Variants in LTBP1 observed in about 807,000 individuals in gnomAD.
The protein encoded by LTBP1 is latent transforming growth factor beta binding protein 1, also known as latent-transforming growth factor beta-binding protein 1.
A neutral mutation model predicts 207.6 loss-of-function variants in LTBP1; 129 were observed. The ratio of observed to expected loss-of-function variants is 0.62; its 90% CI spans 0.54 to 0.72. LTBP1 has a LOEUF of 0.72. LTBP1 is among the 30% of genes least tolerant of loss of function. The probability of loss-of-function intolerance (pLI) is 0.00; values close to 1 mark genes in which losing one functional copy is unlikely to be tolerated. For missense variants in LTBP1, 2,281 were observed against 2,217.2 expected, an observed-to-expected ratio of 1.03 and a Z score of -0.58; for synonymous variants, 963 against 833.7, an observed-to-expected ratio of 1.16 and a Z score of -2.67.
chr2:33,394,977 A>G (rs2095346025), intron 32 of LTBP1, among the ~76,000 whole-genome samples: 1 of 152,180 alleles, frequency 6.6e-6, no homozygotes, highest in Non-Finnish European at 1.5e-5. Flanking sequence ...AGCTCCATCC[A>G]TGTTCCTGCA....
intron 32 of LTBP1, among the ~76,000 whole-genome samples, chr2:33,393,073 CA>C (rs1214978126): frequency 2.6e-5 from 4 of 151,456 alleles, no homozygotes; most frequent in Non-Finnish European, 5.9e-5. Flanking sequence ...CTTTTAGGTT[CA>C]GGGGTACATA....
At chr2:33,018,491 C>G (rs956014709) in intron 2 of LTBP1, among the ~76,000 whole-genome samples, 1 of 152,126 alleles carries the variant, frequency 6.6e-6, no homozygotes, top group African/African-American at 2.4e-5. Context: ...GAGCTCAGGC[C>G]AAGGCACAGC....
At chr2:33,201,660 GAAAC>G (rs1319583137) in intron 7 of LTBP1, among the ~76,000 whole-genome samples, 1 of 151,170 alleles carries the variant, frequency 6.6e-6, no homozygotes, top group Non-Finnish European at 1.5e-5. Flanking sequence ...GAAAAAAAAA[GAAAC>G]AAACTTCAAG....
chr2:33,356,250 CAG>C (rs1414079627), intron 26 of LTBP1, among the ~76,000 whole-genome samples: 1 of 152,170 alleles, frequency 6.6e-6, no homozygotes, highest in Non-Finnish European at 1.5e-5. Context: ...CGTGATGAAT[CAG>C]GGGTCAGCAT....
intron 23 of LTBP1, among the ~76,000 whole-genome samples, chr2:33,310,194 G>A (rs750514023): frequency 5.9e-5 from 9 of 152,112 alleles, no homozygotes; most frequent in East Asian, 1.9e-4. Flanking sequence ...TGATCCACCC[G>A]CTTTGGCCTC....
At chr2:33,062,110 T>G (rs2077295857) in intron 3 of LTBP1, among the ~76,000 whole-genome samples, 1 of 152,186 alleles carries the variant, frequency 6.6e-6, no homozygotes, top group Admixed American at 6.5e-5. Flanking sequence ...ATATTCCCCT[T>G]TGTGAAATGT....
In LTBP1 at chr2:32,999,751, A is replaced by G. The variant is rs146739710; in HGVS notation, c.566-21158A>G. Among the ~76,000 whole-genome samples the G allele has an allele frequency of 5.3e-4, 71 of 133,436 alleles. 11 individuals carry two copies. Among genetic ancestry groups the G allele is most frequent in the African/African-American group, 1.8e-3 (70 of 38,338 alleles). 87.5% of individuals were successfully genotyped at this position (133,436 alleles called of 152,430 possible). ...CTAAAAATACACAAATTAGCTGGGC[A>G]TGGTGGCGCCAAGATCACACCACTG... On this transcript the variant is annotated intron_variant, in intron 2 of 33. Coordinates refer to ENST00000404816, the MANE Select transcript of LTBP1 (RefSeq NM_206943.4).
At chr2:33,036,766 A>G (rs1423476242) in intron 3 of LTBP1, among the ~76,000 whole-genome samples, 1 of 152,144 alleles carries the variant, frequency 6.6e-6, no homozygotes, top group Non-Finnish European at 1.5e-5. Flanking sequence ...CCTCGTGATG[A>G]ACATTTTTCT....
At chr2:32,971,552 A>G (rs1054323437) in intron 2 of LTBP1, among the ~76,000 whole-genome samples, 1 of 152,030 alleles carries the variant, frequency 6.6e-6, no homozygotes, top group African/African-American at 2.4e-5. Context: ...TGAGATAATC[A>G]TGTGGTTTTT....
At chr2:33,139,592 A>G (rs2082470763) in intron 5 of LTBP1, among the ~76,000 whole-genome samples, 1 of 152,180 alleles carries the variant, frequency 6.6e-6, no homozygotes, top group African/African-American at 2.4e-5. Context: ...GTCCCTGCCT[A>G]GAAAGCGTGT....
chr2:33,350,294 A>G lies in LTBP1; in HGVS notation c.4000+2784A>G, dbSNP rs144935022. On this transcript the variant is annotated intron_variant, in intron 26 of 33. Transcript: ENST00000404816. ...TATTCCAACAATGAGCAGTAGCATG[A>G]TAATCTGATGTGGTATCATACTGAA... 5.9e-4 allele frequency among the ~76,000 whole-genome samples: 90 copies of G among 152,348 alleles called. 2 individuals carry two copies. The East Asian group carries it at 0.017, about 29-fold the overall frequency.
intron 22 of LTBP1, among the ~76,000 whole-genome samples, chr2:33,308,170 C>T (rs2094127782): frequency 6.6e-6 from 1 of 152,150 alleles, no homozygotes; most frequent in South Asian, 2.1e-4. Flanking sequence ...TCATGGAGTA[C>T]ATTAGGAATA....
At chr2:33,083,790 C>G (rs576198663) in intron 3 of LTBP1, among the ~76,000 whole-genome samples, 2 of 152,192 alleles carry the variant, frequency 1.3e-5, no homozygotes, top group South Asian at 2.1e-4. Flanking sequence ...CTCTAGAGGT[C>G]GAGAAACGAT....
At chr2:33,255,726 C>T (rs1171645698) in intron 11 of LTBP1, among the ~76,000 whole-genome samples, 1 of 152,160 alleles carries the variant, frequency 6.6e-6, no homozygotes, top group South Asian at 2.1e-4. Flanking sequence ...AGTGTGTGAT[C>T]CTTAGAAAAA....
At chr2:33,081,586 A>C (rs1306745574) in intron 3 of LTBP1, among the ~76,000 whole-genome samples, 2 of 152,126 alleles carry the variant, frequency 1.3e-5, no homozygotes, top group Non-Finnish European at 2.9e-5. Context: ...ATTTGTTAGC[A>C]CGTTGGTTCT....
chr2:33,205,181 G>A (rs544884447), intron 7 of LTBP1, among the ~76,000 whole-genome samples: 8 of 152,328 alleles, frequency 5.3e-5, no homozygotes, highest in East Asian at 3.9e-4. Context: ...TAGAAGACTC[G>A]TCTTTAGTAT....
chr2:33,098,505 T>C (rs2079521125), intron 3 of LTBP1, among the ~76,000 whole-genome samples: 1 of 152,186 alleles, frequency 6.6e-6, no homozygotes. Context: ...CGATCTCGGC[T>C]CACTGCAACT....
chr2:33,183,201 C>T (rs1337990814), intron 5 of LTBP1, among the ~76,000 whole-genome samples: 1 of 152,198 alleles, frequency 6.6e-6, no homozygotes. Flanking sequence ...CTGTTCATTA[C>T]AGCCACCTTC....
chr2:33,152,042 T>G (rs1385564539), intron 5 of LTBP1, among the ~76,000 whole-genome samples: 1 of 151,948 alleles, frequency 6.6e-6, no homozygotes, highest in African/African-American at 2.4e-5. Context: ...CGAAAGCAAA[T>G]GCAATAAAAA....
Sources: gnomAD v4.1 joint callset for allele counts (sites outside exome capture counted in the v4.1 genomes callset) on GRCh38, gnomAD v4.1.1 for gene constraint, MANE v1.5 for transcripts, NCBI Gene and HGNC (gene_info 2026-07-23, HGNC 2026-07-21) for gene names.